The following DLC1 variants were observed in gnomAD, a reference collection of about 807,000 sequenced individuals.
DLC1 encodes the protein DLC1 Rho GTPase activating protein.
In DLC1, 54 loss-of-function variants were observed where a neutral mutation model predicts 140.3. The observed-to-expected ratio is 0.38, with a 90% CI of 0.31 to 0.48. The LOEUF is 0.48. Among genes scored for constraint, DLC1 ranks in the 20% least tolerant of loss-of-function variants. The pLI, the probability that DLC1 is intolerant of heterozygous loss-of-function variation, is 0.96. For missense variants in DLC1, 2,536 were observed against 1,907.0 expected (o/e 1.33, Z -6.14); for synonymous variants, 986 against 728.1 (o/e 1.35, Z -5.70).
chr8:13,093,293 T>A (rs1031366592), intron 12 of DLC1, among the ~76,000 whole-genome samples: 2 of 152,140 alleles, frequency 1.3e-5, no homozygotes, highest in African/African-American at 4.8e-5. Context: ...ATGTTCAGTA[T>A]CTCTGGAGAT....
intron 2 of DLC1, among the ~76,000 whole-genome samples, chr8:13,449,475 G>A (rs1798943363): frequency 6.6e-6 from 1 of 152,138 alleles, no homozygotes; most frequent in South Asian, 2.1e-4. Flanking sequence ...CTGGCTATAG[G>A]ATGCATCATT....
intron 5 of DLC1, among the ~76,000 whole-genome samples, chr8:13,284,794 A>G (rs1831485609): frequency 6.6e-6 from 1 of 152,206 alleles, no homozygotes; most frequent in African/African-American, 2.4e-5. Context: ...GATTAAAAAT[A>G]TGAAATACTT....
chr8:13,352,067 G>C (rs1235920134), intron 4 of DLC1, among the ~76,000 whole-genome samples: 1 of 152,164 alleles, frequency 6.6e-6, no homozygotes, highest in Non-Finnish European at 1.5e-5. Context: ...TTTATGTCTT[G>C]TTTACATTCA....
At chr8:13,305,019 G>A in intron 5 of DLC1, 1 of 1,113,104 alleles carries the variant, frequency 9.0e-7, no homozygotes, top group Non-Finnish European at 1.1e-6. Flanking sequence ...AAAAAAAATT[G>A]TGGTTGCAGT....
At chr8:13,264,734 A>T (rs1830615190) in intron 5 of DLC1, among the ~76,000 whole-genome samples, 1 of 152,234 alleles carries the variant, frequency 6.6e-6, no homozygotes. Flanking sequence ...TCTTGGTATT[A>T]GTTAATTGAT....
At chr8:13,141,017 G>A (rs1015741261) in intron 5 of DLC1, among the ~76,000 whole-genome samples, 1 of 152,140 alleles carries the variant, frequency 6.6e-6, no homozygotes, top group Non-Finnish European at 1.5e-5. Flanking sequence ...CACTTTGGGA[G>A]GCCGAGGCGT....
rs7816655 is a variant in DLC1 at position 13,495,030 on chromosome 8, G to A, written c.1023+4019C>T. ...CATTTAATTTGTTTTTGGAATATAA[G>A]GTTTTTGTTGGAATGTAGAATTAGG... On this transcript the variant is annotated intron_variant, in intron 2 of 17. Transcript: ENST00000276297. Among the ~76,000 whole-genome samples the A allele has an allele frequency of 6.4e-3, 976 of 152,152 alleles. 13 individuals carry two copies. Among genetic ancestry groups the A allele is most frequent in the African/African-American group, 0.022 (917 of 41,504 alleles).
chr8:13,092,239 T>C (rs1387132560), intron 13 of DLC1, among the ~76,000 whole-genome samples: 1 of 152,200 alleles, frequency 6.6e-6, no homozygotes, highest in Non-Finnish European at 1.5e-5. Context: ...AGCAAGACTC[T>C]GTCTCAAAAG....
At chr8:13,155,721 G>C (rs990589192) in intron 5 of DLC1, among the ~76,000 whole-genome samples, 17 of 152,146 alleles carry the variant, frequency 1.1e-4, no homozygotes, top group Admixed American at 3.3e-4. Context: ...GAGGTCTCCT[G>C]CTAAATATTA....
chr8:13,539,727 G>A (rs1803420797), intron 1 of DLC1, among the ~76,000 whole-genome samples: 1 of 149,052 alleles, frequency 6.7e-6, no homozygotes. Flanking sequence ...TCCTGAAGAT[G>A]AGGCATTAAG....
At chr8:13,398,563 T>C (rs1194452102) in intron 3 of DLC1, among the ~76,000 whole-genome samples, 3 of 125,318 alleles carry the variant, frequency 2.4e-5, no homozygotes, top group Admixed American at 9.7e-5. Flanking sequence ...CCAGGAGCCC[T>C]AGAACATAGA....
At chr8:13,425,662 T>C (rs1054115371) in intron 2 of DLC1, among the ~76,000 whole-genome samples, 4 of 14,090 alleles carry the variant, frequency 2.8e-4, no homozygotes, top group Non-Finnish European at 5.7e-4. Context: ...TTATACTGTG[T>C]CATAGCAAAA....
At chr8:13,201,266 A>G (rs1827364618) in intron 5 of DLC1, among the ~76,000 whole-genome samples, 1 of 152,196 alleles carries the variant, frequency 6.6e-6, no homozygotes, top group South Asian at 2.1e-4. Flanking sequence ...TAGAGACGAA[A>G]AAATGAAATT....
chr8:13,142,141 A>G (rs1240246514), intron 5 of DLC1, among the ~76,000 whole-genome samples: 2 of 152,218 alleles, frequency 1.3e-5, no homozygotes, highest in African/African-American at 4.8e-5. Context: ...CTTCTGCTTC[A>G]GCTTCCGCCA....
At chr8:13,508,635 G>A (rs1489254057) in intron 1 of DLC1, among the ~76,000 whole-genome samples, 2 of 152,036 alleles carry the variant, frequency 1.3e-5, no homozygotes, top group East Asian at 3.9e-4. Context: ...AGCCAGGATG[G>A]TCTTGATCTC....
intron 5 of DLC1, among the ~76,000 whole-genome samples, chr8:13,299,471 T>C (rs1586092727): frequency 5.2e-5 from 7 of 135,250 alleles, no homozygotes; most frequent in Admixed American, 3.7e-4. Flanking sequence ...AAAAAAAAGC[T>C]CCTCATCTTT....
At chr8:13,428,947 T>A (rs1278577712) in intron 2 of DLC1, among the ~76,000 whole-genome samples, 1 of 152,242 alleles carries the variant, frequency 6.6e-6, no homozygotes, top group Admixed American at 6.5e-5. Context: ...AGGCATAATC[T>A]CTGCCTAAAT....
chr8:13,367,762 T>C (rs955085916), intron 4 of DLC1, among the ~76,000 whole-genome samples: 3 of 152,204 alleles, frequency 2.0e-5, no homozygotes, highest in Non-Finnish European at 2.9e-5. Flanking sequence ...AATTTCAGGA[T>C]GAATTCTGCA....
chr8:13,488,269 C>T (rs981328644), intron 2 of DLC1, among the ~76,000 whole-genome samples: 14 of 152,160 alleles, frequency 9.2e-5, no homozygotes, highest in African/African-American at 3.1e-4. Flanking sequence ...CATAGTTGAA[C>T]CATTTTGTTA....
Sources: allele counts gnomAD v4.1 joint callset (sites outside exome capture counted in the v4.1 genomes callset), GRCh38; gene constraint gnomAD v4.1.1; transcripts MANE v1.5; gene names NCBI Gene and HGNC (gene_info 2026-07-23, HGNC 2026-07-21).